GRM7: variants seen among roughly 807,000 people sequenced by gnomAD.
GRM7 encodes metabotropic glutamate receptor 7.
A neutral mutation model predicts 84.5 loss-of-function variants in GRM7; 35 were observed. The ratio of observed to expected loss-of-function variants is 0.41; its 90% confidence interval spans 0.32 to 0.55. The LOEUF is 0.55. Among genes scored for constraint, GRM7 ranks in the 20% least tolerant of loss-of-function variants. GRM7 has a pLI of 0.19. For missense variants in GRM7, 1,003 were observed against 1,194.6 expected (o/e 0.84, Z 2.36); for synonymous variants, 487 against 455.1 (o/e 1.07, Z -0.89).
intron 4 of GRM7, among the ~76,000 whole-genome samples, chr3:7,385,401 C>T (rs777303166): frequency 1.3e-5 from 2 of 148,766 alleles, no homozygotes; most frequent in African/African-American, 4.9e-5. Flanking sequence ...CCTCGGTTCA[C>T]GCCATTCTCC....
intron 7 of GRM7, among the ~76,000 whole-genome samples, chr3:7,479,874 A>C (rs113374334): frequency 1.3e-5 from 2 of 152,234 alleles, no homozygotes; most frequent in African/African-American, 2.4e-5. Context: ...AAGGCTGGAA[A>C]GATTTTTAAA....
At chr3:7,561,195 GT>G (rs1694010588) in intron 7 of GRM7, among the ~76,000 whole-genome samples, 1 of 151,948 alleles carries the variant, frequency 6.6e-6, no homozygotes. Flanking sequence ...TTCTGAATGC[GT>G]TTTTGCCATC....
intron 1 of GRM7, among the ~76,000 whole-genome samples, chr3:7,138,129 TA>T (rs1209057369): frequency 6.6e-6 from 1 of 152,016 alleles, no homozygotes; most frequent in Non-Finnish European, 1.5e-5. Flanking sequence ...TTTTTGTTCT[TA>T]AAACACTGGC....
intron 1 of GRM7, among the ~76,000 whole-genome samples, chr3:7,090,264 T>G (rs1269289734): frequency 6.6e-6 from 1 of 152,176 alleles, no homozygotes; most frequent in Non-Finnish European, 1.5e-5. Flanking sequence ...TTTGGGTATT[T>G]GTTTGTGACA....
At chr3:7,175,820 G>C (rs1053369697) in intron 2 of GRM7, among the ~76,000 whole-genome samples, 1 of 152,250 alleles carries the variant, frequency 6.6e-6, no homozygotes, top group South Asian at 2.1e-4. Flanking sequence ...TTACAGGTGT[G>C]AGCCGCTGCA....
intron 7 of GRM7, among the ~76,000 whole-genome samples, chr3:7,568,370 A>G (rs1176335113): frequency 6.6e-6 from 1 of 152,252 alleles, no homozygotes; most frequent in African/African-American, 2.4e-5. Flanking sequence ...GAGGCTTCAC[A>G]ATCATGGCAA....
chr3:7,575,012 T>A (rs1266062969), intron 7 of GRM7, among the ~76,000 whole-genome samples: 2 of 152,208 alleles, frequency 1.3e-5, no homozygotes, highest in Non-Finnish European at 2.9e-5. Flanking sequence ...TGAAAAACAC[T>A]TTCCTAGGAC....
chr3:7,579,064 T>C lies in GRM7; in HGVS notation c.2158T>C (p.Trp720Arg). 1 of 1,614,206 alleles carries C rather than the reference T, an allele frequency of 6.2e-7. No individual in the cohort carries two copies. Among genetic ancestry groups the C allele is most frequent in the Non-Finnish European group, 8.5e-7 (1 of 1,180,022 alleles). The change falls in exon 8 of 10, where the codon TGG becomes CGG. Residue 720 changes from tryptophan to arginine, a missense_variant. By Grantham distance (101) the Trp-to-Arg change is moderately radical. This residue lies in a region of GRM7 where 910 missense variants were observed against 1,126.0 expected (regional missense o/e 0.81). Transcript: ENST00000357716. ...ISVQLLGVFI[W>R]FGVDPPNIII... ...AGTTCAGCTTCTAGGGGTGTTCATT[T>C]GGTTTGGTGTTGATCCACCCAACAT...
At chr3:7,482,348 A>G (rs1344680259) in intron 7 of GRM7, among the ~76,000 whole-genome samples, 1 of 152,208 alleles carries the variant, frequency 6.6e-6, no homozygotes, top group Non-Finnish European at 1.5e-5. Context: ...TTGCTTCCAA[A>G]TAAACTGACA....
At chr3:7,209,747 C>T (rs1177510592) in intron 2 of GRM7, among the ~76,000 whole-genome samples, 5 of 152,008 alleles carry the variant, frequency 3.3e-5, no homozygotes, top group African/African-American at 7.2e-5. Context: ...AAGTGTTCAA[C>T]GAAGGTAGAG....
intron 1 of GRM7, among the ~76,000 whole-genome samples, chr3:7,070,711 A>C (rs1697841822): frequency 6.6e-6 from 1 of 151,396 alleles, no homozygotes; most frequent in South Asian, 2.1e-4. Flanking sequence ...GTCTTAGTAC[A>C]GTCGGTTGCT....
chr3:7,599,345 C>T (rs1279519267), intron 8 of GRM7, among the ~76,000 whole-genome samples: 3 of 152,102 alleles, frequency 2.0e-5, no homozygotes, highest in Non-Finnish European at 4.4e-5. Flanking sequence ...AACTGAAATA[C>T]ATTTACTTCA....
rs55690603 is a variant in GRM7, at chr3:7,508,549, T to C, written c.1515+46827T>C. 6.7e-3 allele frequency among the ~76,000 whole-genome samples: 1,018 copies of C among 152,256 alleles called. 12 individuals carry two copies. The highest frequency in any genetic ancestry group is 0.023 in the African/African-American group (976 of 41,540). On this transcript the variant is annotated intron_variant, in intron 7 of 9. Coordinates refer to ENST00000357716, the MANE Select transcript of GRM7 (RefSeq NM_000844.4). ...TGACCTGCTAAATACTCATGAATGATTTTCTTACAGATGTGTAATTCCATT... is the reference window on the plus strand; with the variant it reads ...TGACCTGCTAAATACTCATGAATGACTTTCTTACAGATGTGTAATTCCATT...
chr3:7,673,303 C>T (rs879320918), intron 8 of GRM7, among the ~76,000 whole-genome samples: 1 of 152,172 alleles, frequency 6.6e-6, no homozygotes, highest in Non-Finnish European at 1.5e-5. Flanking sequence ...ATACCTAATA[C>T]TTGCTTCAAG....
intron 2 of GRM7, among the ~76,000 whole-genome samples, chr3:7,197,082 T>C (rs957631725): frequency 6.6e-6 from 1 of 152,148 alleles, no homozygotes; most frequent in Non-Finnish European, 1.5e-5. Context: ...AGCCACAATG[T>C]CCCATAAGAT....
At chr3:6,927,973 A>T (rs1036883604) in intron 1 of GRM7, among the ~76,000 whole-genome samples, 2 of 152,242 alleles carry the variant, frequency 1.3e-5, no homozygotes, top group Non-Finnish European at 1.5e-5. Context: ...ACACATTTCT[A>T]AATATGTAAT....
rs1298850673 is a variant in GRM7, at chr3:7,656,518, A to ATATAT, written c.2452-23531_2452-23530insTATAT. ...CTCAAAAAACAAACAAACAAATAAA[A>ATATAT]AAAAATATATATATATATATACGCG... On this transcript the variant is annotated intron_variant, in intron 8 of 9. Coordinates refer to ENST00000357716, the MANE Select transcript of GRM7 (RefSeq NM_000844.4). Among the ~76,000 whole-genome samples, 165 of 93,278 alleles carry ATATAT rather than the reference A, an allele frequency of 1.8e-3. 3 individuals are homozygous for ATATAT. The highest frequency in any genetic ancestry group is 0.017 in the East Asian group (71 of 4,258). The allele number at this position is 93,278 out of a possible 152,430, so 61.2% of individuals were successfully genotyped here. A position where few individuals can be genotyped will look rare whatever the true frequency, so the allele number is the denominator to read the frequency against.
intron 1 of GRM7, among the ~76,000 whole-genome samples, chr3:7,033,603 T>C (rs1337229667): frequency 3.3e-5 from 5 of 152,302 alleles, no homozygotes; most frequent in African/African-American, 1.2e-4. Context: ...AAAGGTTTTT[T>C]CCCCCTAAAG....
At chr3:7,001,587 G>C (rs1222392000) in intron 1 of GRM7, among the ~76,000 whole-genome samples, 1 of 152,044 alleles carries the variant, frequency 6.6e-6, no homozygotes, top group African/African-American at 2.4e-5. Flanking sequence ...AATATAATAA[G>C]ATTAACTTTT....
Sources: gnomAD v4.1 joint callset for allele counts (sites outside exome capture counted in the v4.1 genomes callset) on GRCh38, gnomAD v4.1.1 for gene constraint, gnomAD v4.1.1 regional missense constraint, MANE v1.5 for transcripts, NCBI Gene and HGNC (gene_info 2026-07-23, HGNC 2026-07-21) for gene names.